The following ATP10D variants were observed in gnomAD, a reference collection of about 807,000 sequenced individuals.
ATP10D encodes the protein ATPase phospholipid transporting 10D (putative), also known as phospholipid-transporting ATPase VD.
In ATP10D, 89 loss-of-function variants were observed where a neutral mutation model predicts 144.8. The observed-to-expected ratio is 0.61, with a 90% CI of 0.52 to 0.73. ATP10D has a LOEUF of 0.73. Among genes scored for constraint, ATP10D ranks in the 30% least tolerant of loss-of-function variants. The pLI, the probability that ATP10D is intolerant of heterozygous loss-of-function variation, is 0.00. For synonymous variants in ATP10D, 571 were observed against 615.1 expected (o/e 0.93, Z 1.06); for missense variants, 1,603 against 1,714.8 (o/e 0.93, Z 1.15).
chr4:47,513,778 G>A (rs1716487284), intron 2 of ATP10D, among the ~76,000 whole-genome samples: 1 of 152,226 alleles, frequency 6.6e-6, no homozygotes, highest in South Asian at 2.1e-4. Context: ...GGCCAAGTCT[G>A]CAGGCACAAT....
chr4:47,579,107 A>T (rs2109472160), intron 19 of ATP10D, among the ~76,000 whole-genome samples: 1 of 152,306 alleles, frequency 6.6e-6, no homozygotes, highest in Middle Eastern at 3.4e-3. Context: ...TTCCTGCTGG[A>T]TCTGAATGCA....
chr4:47,575,277 T>C (rs2109467725), intron 18 of ATP10D, among the ~76,000 whole-genome samples: 2 of 152,312 alleles, frequency 1.3e-5, no homozygotes, highest in East Asian at 1.9e-4. Flanking sequence ...AAACTCTCTC[T>C]AAGTCCAATG....
chr4:47,573,625 ATT>A (rs1485560588), intron 18 of ATP10D, among the ~76,000 whole-genome samples: 1 of 152,190 alleles, frequency 6.6e-6, no homozygotes, highest in Non-Finnish European at 1.5e-5. Context: ...TGCTATTTCA[ATT>A]TCAGTTTCCT....
intron 5 of ATP10D, among the ~76,000 whole-genome samples, chr4:47,530,942 G>T (rs1209969734): frequency 2.0e-5 from 3 of 152,122 alleles, no homozygotes; most frequent in African/African-American, 7.2e-5. Flanking sequence ...AGGGATATTA[G>T]CCTGAAGCTT....
chr4:47,522,196 A>G (rs564073769), intron 3 of ATP10D, among the ~76,000 whole-genome samples: 28 of 152,266 alleles, frequency 1.8e-4, no homozygotes, highest in Non-Finnish European at 3.5e-4. Context: ...TCCTCATTTT[A>G]CCCTAGGGAA....
chr4:47,512,346 T>G (rs1029352678), intron 1 of ATP10D, among the ~76,000 whole-genome samples, 158 bp from the exon 2 acceptor site: 22 of 152,256 alleles, frequency 1.4e-4, no homozygotes, highest in Admixed American at 5.9e-4. Context: ...TATGCTTTAT[T>G]TGGTTAAAAT....
At chr4:47,562,574 C>T (rs989527988) in intron 14 of ATP10D, among the ~76,000 whole-genome samples, 9 of 152,112 alleles carry the variant, frequency 5.9e-5, no homozygotes, top group Non-Finnish European at 1.0e-4. Flanking sequence ...GAAAAGGGAA[C>T]GCTTATATAC....
chr4:47,577,194 A>G (rs993159822), intron 19 of ATP10D, among the ~76,000 whole-genome samples: 1 of 152,260 alleles, frequency 6.6e-6, no homozygotes, highest in Admixed American at 6.5e-5. Flanking sequence ...AGAAATCTAA[A>G]GTTTGAATCT....
At chr4:47,584,643 A>G (rs6447570) in intron 21 of ATP10D, among the ~76,000 whole-genome samples, 76,911 of 151,910 alleles carry the variant, frequency 0.51, 19,620 homozygotes, top group East Asian at 0.66. Flanking sequence ...TGATCCACCC[A>G]CCTCAGCCTC....
chr4:47,491,429 G>C, intron 1 of ATP10D: 1 of 717,924 alleles, frequency 1.4e-6, no homozygotes, highest in Non-Finnish European at 2.5e-6. Flanking sequence ...ACATGTATGG[G>C]GTGCCGCTCC....
At position 47,546,719 on chromosome 4, in the gene ATP10D, G is replaced by T. The variant is rs946132651; in HGVS notation, c.1492G>T (p.Ala498Ser). The change falls in exon 10 of 23, where the codon GCC becomes TCC. Residue 498 changes from alanine (A) to serine (S), a missense_variant. Transcript: ENST00000273859. The stretch of plus-strand genomic sequence containing the variant: ...CCTCAGCAATATGGCAAAACCGAGA[G>T]CCCCCAGCTGCAGGACAGTTCATAA... ...GSLSNMAKPR[A>S]PSCRTVHNGP... 5.0e-6 allele frequency: 8 copies of T among 1,613,998 alleles called. No homozygotes were observed. The highest frequency in any genetic ancestry group is 4.5e-5 in the East Asian group (2 of 44,890).
intron 15 of ATP10D, among the ~76,000 whole-genome samples, chr4:47,568,431 C>T (rs899563162): frequency 3.3e-5 from 5 of 152,174 alleles, no homozygotes; most frequent in Non-Finnish European, 5.9e-5. Context: ...GCTTAATCCT[C>T]ACAACAAGAT....
chr4:47,546,064 GA>G lies in ATP10D; in HGVS notation c.1397-559del, dbSNP rs368426602. ...AAGTGTGATGTTAGAGAAACCAAAAGAGACATTTCAAGAAGGAAAAAATGGT... is the reference window on the plus strand; with the variant it reads ...AAGTGTGATGTTAGAGAAACCAAAAGGACATTTCAAGAAGGAAAAAATGGT... On this transcript the variant is annotated intron_variant, in intron 9 of 22. Coordinates refer to ENST00000273859, the MANE Select transcript of ATP10D (RefSeq NM_020453.4). Among the ~76,000 whole-genome samples, 33 of 152,314 alleles carry G rather than the reference GA, an allele frequency of 2.2e-4. 1 individual carries two copies. In the East Asian group the frequency reaches 6.4e-3, roughly 29 times the overall value.
intron 7 of ATP10D, 130 bp from the exon 8 acceptor site, chr4:47,536,301 GAATTTT>G: frequency 8.2e-7 from 1 of 1,212,412 alleles, no homozygotes. Context: ...TTTTGAATTT[GAATTTT>G]GTTTCCAAAA....
rs1719107036 is a variant in ATP10D at position 47,558,358 on chromosome 4, G to A, written c.2434+85G>A. Reference sequence around the variant, plus strand: ...TACTTGATGGCTTTATAAAGGCAAAGAAACAGCTATCTGGGGACTAATCAC... The same window carrying A: ...TACTTGATGGCTTTATAAAGGCAAAAAAACAGCTATCTGGGGACTAATCAC... On this transcript the variant is annotated intron_variant, in intron 12 of 22. Coordinates refer to ENST00000273859, the MANE Select transcript of ATP10D (RefSeq NM_020453.4). The A allele has an allele frequency of 4.7e-6, 7 of 1,505,358 alleles. No individual in the cohort carries two copies. In the South Asian group the frequency reaches 9.1e-5, roughly 20 times the overall value. 93.3% of individuals were successfully genotyped at this position (1,505,358 alleles called of 1,614,324 possible). A position where few individuals can be genotyped will look rare whatever the true frequency, so the allele number is the denominator to read the frequency against.
In ATP10D at chr4:47,591,505, G is replaced by C. The variant is rs1721047723; in HGVS notation, c.*124G>C. ...CATGAGCATTTTACTAGGCTTGGAAGAGCTGACATGATGAGCATTATTGTA... is the reference window on the plus strand; with the variant it reads ...CATGAGCATTTTACTAGGCTTGGAACAGCTGACATGATGAGCATTATTGTA... On this transcript the variant is annotated 3_prime_UTR_variant, in exon 23 of 23. Coordinates refer to ENST00000273859, the MANE Select transcript of ATP10D (RefSeq NM_020453.4). 11 of 747,450 alleles carry C rather than the reference G, an allele frequency of 1.5e-5. No individual in the cohort carries two copies. The East Asian group carries it at 2.9e-4, about 20-fold the overall frequency. 46.3% of individuals were successfully genotyped at this position (747,450 alleles called of 1,614,324 possible).
chr4:47,505,262 C>T (rs1715958289), intron 1 of ATP10D, among the ~76,000 whole-genome samples: 1 of 152,200 alleles, frequency 6.6e-6, no homozygotes. Flanking sequence ...TAATAAATTG[C>T]TCAGTCTTAA....
At chr4:47,508,713 C>T (rs999720936) in intron 1 of ATP10D, among the ~76,000 whole-genome samples, 2 of 152,184 alleles carry the variant, frequency 1.3e-5, no homozygotes, top group Non-Finnish European at 2.9e-5. Context: ...TTAAGAAAAA[C>T]CAATTATCAA....
chr4:47,529,528 G>A (rs1010869196), intron 5 of ATP10D, among the ~76,000 whole-genome samples: 8 of 152,130 alleles, frequency 5.3e-5, no homozygotes, highest in African/African-American at 1.9e-4. Context: ...GTACCATGCT[G>A]TTTTGGTTAC....
Sources: allele counts gnomAD v4.1 joint callset (sites outside exome capture counted in the v4.1 genomes callset), GRCh38; gene constraint gnomAD v4.1.1; transcripts MANE v1.5; gene names NCBI Gene and HGNC (gene_info 2026-07-23, HGNC 2026-07-21).